The following ABLIM1 variants were observed in gnomAD, a reference collection of about 807,000 sequenced individuals.
The protein encoded by ABLIM1 is actin binding LIM protein 1, also known as actin-binding LIM protein 1.
A neutral mutation model predicts 107.0 loss-of-function variants in ABLIM1; 40 were observed. The observed-to-expected ratio is 0.37, with a 90% confidence interval of 0.29 to 0.49. The LOEUF (loss-of-function observed/expected upper bound fraction) is 0.49, where lower values mean the gene tolerates loss of function less well. Among genes scored for constraint, ABLIM1 ranks in the 20% least tolerant of loss-of-function variants. The pLI is 0.97. For missense variants in ABLIM1, 857 were observed against 1,008.5 expected, an observed-to-expected ratio of 0.85 and a Z score of 2.04; for synonymous variants, 357 against 357.3, an observed-to-expected ratio of 1.00 and a Z score of 0.01.
In ABLIM1 at chr10:114,593,929, G is replaced by C. The variant is rs573599195; in HGVS notation, c.379+7898C>G. The stretch of plus-strand genomic sequence containing the variant: ...CATGGCAACAAATTCAAAAAATAAA[G>C]TACTCAGGATCATCCTTTACTAAAC... On this transcript the variant is annotated intron_variant, in intron 2 of 22. Coordinates refer to ENST00000533213, the MANE Select transcript of ABLIM1 (RefSeq NM_002313.7). 3.2e-4 allele frequency among the ~76,000 whole-genome samples: 48 copies of C among 152,248 alleles called. No individual in the cohort carries two copies. In the South Asian group the frequency reaches 1.0e-2, roughly 32 times the overall value.
At chr10:114,574,469 T>C (rs1020313045) in intron 3 of ABLIM1, among the ~76,000 whole-genome samples, 27 of 152,278 alleles carry the variant, frequency 1.8e-4, no homozygotes, top group African/African-American at 6.0e-4. Flanking sequence ...AGATGGAGTC[T>C]TGCTGTGTCA....
rs58418721 is a variant in ABLIM1 at position 114,434,280 on chromosome 10, A to AACACACACACACACACACAC, written c.*1960_*1979dup. 4.3e-5 allele frequency: 6 copies of AACACACACACACACACACAC among 138,806 alleles called. No individual in the cohort carries two copies. Among genetic ancestry groups the AACACACACACACACACACAC allele is most frequent in the African/African-American group, 1.1e-4 (4 of 36,556 alleles). The allele number at this position is 138,806 out of a possible 1,614,324, so 8.6% of individuals were successfully genotyped here. A position where few individuals can be genotyped will look rare whatever the true frequency, so the allele number is the denominator to read the frequency against. ...ATTTGCTAAACATGTTAGTAGATCCAACACACACACACACACACACACACA... is the reference window on the plus strand; with the variant it reads ...ATTTGCTAAACATGTTAGTAGATCCAACACACACACACACACACACACACACACACACACACACACACACA... On this transcript the variant is annotated 3_prime_UTR_variant, in exon 23 of 23. Transcript: ENST00000533213.
chr10:114,698,253 G>A (rs982870162), intron 1 of ABLIM1, among the ~76,000 whole-genome samples: 1 of 151,076 alleles, frequency 6.6e-6, no homozygotes, highest in African/African-American at 2.4e-5. Flanking sequence ...GCTAATCTGG[G>A]AAAAAATTAA....
chr10:114,441,084 T>C lies in ABLIM1; in HGVS notation c.1999-7A>G. Reference sequence around the variant, plus strand: ...CGAAGTCGGTAGAAACAGGCTGAAATGAGGAAAAACAATTATTAGGAAATC... The same window carrying C: ...CGAAGTCGGTAGAAACAGGCTGAAACGAGGAAAAACAATTATTAGGAAATC... On this transcript the variant is annotated splice_polypyrimidine_tract_variant and splice_region_variant and intron_variant, in intron 18 of 22. Coordinates refer to ENST00000533213, the MANE Select transcript of ABLIM1 (RefSeq NM_002313.7). The C allele has an allele frequency of 6.4e-7, 1 of 1,574,684 alleles. No homozygotes were observed. Among genetic ancestry groups the C allele is most frequent in the South Asian group, 1.2e-5 (1 of 85,790 alleles).
the ABLIM1 span, among the ~76,000 whole-genome samples, chr10:114,781,660 GCGTGTATA>G: frequency 4.3e-4 from 12 of 27,848 alleles, no homozygotes; most frequent in African/African-American, 1.2e-3. Context: ...ATATATATAT[GCGTGTATA>G]TATATATATA....
intron 2 of ABLIM1, 125 bp from the exon 3 acceptor site, chr10:114,575,724 G>T: frequency 2.1e-6 from 2 of 947,880 alleles, no homozygotes; most frequent in Non-Finnish European, 3.1e-6. Flanking sequence ...GGAGGGGATG[G>T]CTACAAAGAG....
intron 6 of ABLIM1, among the ~76,000 whole-genome samples, chr10:114,506,620 G>A (rs1201454118): frequency 4.6e-5 from 7 of 152,138 alleles, no homozygotes. Flanking sequence ...GTGATGATGA[G>A]CATTTTTTCA....
At chr10:114,674,874 G>A (rs888177868) in intron 1 of ABLIM1, among the ~76,000 whole-genome samples, 1 of 152,080 alleles carries the variant, frequency 6.6e-6, no homozygotes, top group Non-Finnish European at 1.5e-5. Flanking sequence ...AATCTTTAAA[G>A]ATGAAAGTTT....
chr10:114,476,917 C>T (rs1290809797), intron 8 of ABLIM1, among the ~76,000 whole-genome samples: 1 of 152,012 alleles, frequency 6.6e-6, no homozygotes, highest in Non-Finnish European at 1.5e-5. Context: ...TCGATGGCAA[C>T]GAATGTCTAC....
the ABLIM1 span, among the ~76,000 whole-genome samples, chr10:114,794,598 G>T: frequency 2.0e-5 from 3 of 152,114 alleles, no homozygotes; most frequent in Admixed American, 6.5e-5. Context: ...TGTGTTTTTT[G>T]GGGTTTCTTG....
chr10:114,643,225 T>C (rs1031535525), intron 1 of ABLIM1, among the ~76,000 whole-genome samples: 30 of 152,174 alleles, frequency 2.0e-4, no homozygotes, highest in Non-Finnish European at 2.9e-5. Context: ...TGGAAATGTT[T>C]TGAGCAAAGG....
rs1348739958 is a variant in ABLIM1 at position 114,526,930 on chromosome 10, T to C, written c.894+18075A>G. Reference sequence around the variant, plus strand: ...CTCTCTCACGCCTCCTCTCCTCGCTTTACTTACTAGTTCAACACACCAGCA... The same window carrying C: ...CTCTCTCACGCCTCCTCTCCTCGCTCTACTTACTAGTTCAACACACCAGCA... On this transcript the variant is annotated intron_variant, in intron 6 of 22. Transcript: ENST00000533213. 1.1e-5 allele frequency: 11 copies of C among 985,490 alleles called. No homozygotes were observed. In the East Asian group the frequency reaches 1.1e-3, roughly 102 times the overall value. 61.0% of individuals were successfully genotyped at this position (985,490 alleles called of 1,614,324 possible). A position where few individuals can be genotyped will look rare whatever the true frequency, so the allele number is the denominator to read the frequency against.
At position 114,447,737 on chromosome 10, in the gene ABLIM1, G is replaced by A. The variant is rs916599063; in HGVS notation, c.1735+143C>T. 2.0e-5 allele frequency: 24 copies of A among 1,190,206 alleles called. No individual in the cohort carries two copies. In the Admixed American group the frequency reaches 6.1e-4, roughly 30 times the overall value. 73.7% of individuals were successfully genotyped at this position (1,190,206 alleles called of 1,614,324 possible). ...TGTACAACAAGTTAATACCACGTTA[G>A]TTCTTTTCACTATGCTACCTCTTGG... On this transcript the variant is annotated intron_variant, in intron 15 of 22. Coordinates refer to ENST00000533213, the MANE Select transcript of ABLIM1 (RefSeq NM_002313.7).
chr10:114,676,816 AC>A (rs953390680), intron 1 of ABLIM1, among the ~76,000 whole-genome samples: 2 of 152,076 alleles, frequency 1.3e-5, no homozygotes, highest in Non-Finnish European at 2.9e-5. Context: ...ACTCACTGCA[AC>A]GTCTACCTCC....
intron 1 of ABLIM1, among the ~76,000 whole-genome samples, chr10:114,672,286 C>A (rs11196856): frequency 0.06 from 9,075 of 152,142 alleles, 307 homozygotes; most frequent in East Asian, 0.097. Context: ...CTGCAACCTC[C>A]GCCGCCCAGG....
intron 10 of ABLIM1, among the ~76,000 whole-genome samples, chr10:114,468,445 T>G (rs562912907): frequency 1.3e-4 from 20 of 152,222 alleles, no homozygotes; most frequent in Middle Eastern, 3.4e-3. Flanking sequence ...AGCTACTTTT[T>G]TTGTATTTTT....
At chr10:114,748,861 C>T (rs531779775) in intron 1 of ABLIM1, among the ~76,000 whole-genome samples, 169 of 151,914 alleles carry the variant, frequency 1.1e-3, no homozygotes, top group Non-Finnish European at 1.8e-3. Flanking sequence ...ACGGGGGTCT[C>T]CCTATGTTGC....
chr10:114,598,880 G>A (rs57341542), intron 2 of ABLIM1, among the ~76,000 whole-genome samples: 4,221 of 152,012 alleles, frequency 0.028, 182 homozygotes, highest in African/African-American at 0.097. Context: ...TGCATGTGCA[G>A]GATGTGCAGG....
intron 1 of ABLIM1, among the ~76,000 whole-genome samples, chr10:114,727,272 C>A (rs1383033625): frequency 6.6e-6 from 1 of 152,144 alleles, no homozygotes; most frequent in Non-Finnish European, 1.5e-5. Flanking sequence ...TAATAGTTAA[C>A]AAGATAAAAT....
Sources: gnomAD v4.1 joint callset for allele counts (sites outside exome capture counted in the v4.1 genomes callset) on GRCh38, gnomAD v4.1.1 for gene constraint, MANE v1.5 for transcripts, NCBI Gene and HGNC (gene_info 2026-07-23, HGNC 2026-07-21) for gene names.